MLIP: variants seen among roughly 807,000 people sequenced by gnomAD.
The protein encoded by MLIP is muscular LMNA interacting protein, also known as muscular LMNA-interacting protein.
Under a neutral mutation model 84.8 loss-of-function variants are expected in MLIP, and 79 were observed. The ratio of observed to expected loss-of-function variants is 0.93; its 90% CI spans 0.78 to 1.12. The LOEUF is 1.12. Ranked by LOEUF, MLIP falls within the 50% of genes most tolerant of loss-of-function variation. MLIP has a pLI of 0.00. For synonymous variants in MLIP, 504 were observed against 463.0 expected, an observed-to-expected ratio of 1.09 and a Z score of -1.14; for missense variants, 1,257 against 1,160.6, an observed-to-expected ratio of 1.08 and a Z score of -1.21.
chr6:54,156,099 T>C (rs1773997847), intron 5 of MLIP, among the ~76,000 whole-genome samples: 1 of 152,104 alleles, frequency 6.6e-6, no homozygotes, highest in Admixed American at 6.6e-5. Flanking sequence ...TCAGAATTCT[T>C]ACTAATGGAG....
chr6:54,148,628 G>A (rs1033624186), intron 4 of MLIP, among the ~76,000 whole-genome samples: 1 of 152,058 alleles, frequency 6.6e-6, no homozygotes. Context: ...ATGATCAAGA[G>A]CTCAATTACA....
rs1262219883 is a variant in MLIP at position 54,202,050 on chromosome 6, C to T, written c.2590-55C>T. 15 of 1,240,516 alleles carry T rather than the reference C, an allele frequency of 1.2e-5. No homozygotes were observed. In the Admixed American group the frequency reaches 3.3e-4, roughly 27 times the overall value. The allele number at this position is 1,240,516 out of a possible 1,614,324, so 76.8% of individuals were successfully genotyped here. ...TGACTTAACAATAAACATATTTGTTCATTTTAATAGTGTTTTTTTCCTGTT... is the reference window on the plus strand; with the variant it reads ...TGACTTAACAATAAACATATTTGTTTATTTTAATAGTGTTTTTTTCCTGTT... On this transcript the variant is annotated intron_variant, in intron 10 of 13. Coordinates refer to ENST00000502396, the MANE Select transcript of MLIP (RefSeq NM_001281747.2).
intron 1 of MLIP, among the ~76,000 whole-genome samples, chr6:54,053,481 C>T (rs918602574): frequency 2.0e-5 from 3 of 152,138 alleles, no homozygotes; most frequent in Admixed American, 2.0e-4. Context: ...GTCTTACTTA[C>T]ATAGGCAGGG....
chr6:54,105,939 T>C (rs887778909), intron 1 of MLIP, among the ~76,000 whole-genome samples: 2 of 152,140 alleles, frequency 1.3e-5, no homozygotes, highest in South Asian at 4.1e-4. Flanking sequence ...AGGAATCTAG[T>C]GGAGAGTTTT....
chr6:54,265,769 A>G (rs1783650662), intron 13 of MLIP, among the ~76,000 whole-genome samples, 181 bp from the exon 14 acceptor site: 1 of 152,118 alleles, frequency 6.6e-6, no homozygotes, highest in African/African-American at 2.4e-5. Context: ...TGTCTTTATT[A>G]TGCCATTAAT....
chr6:54,156,072 C>A (rs377543551), intron 5 of MLIP, among the ~76,000 whole-genome samples: 2 of 151,912 alleles, frequency 1.3e-5, no homozygotes, highest in South Asian at 2.1e-4. Context: ...GCTAGCTTGC[C>A]AAAAAGCAAT....
intron 9 of MLIP, among the ~76,000 whole-genome samples, chr6:54,184,766 G>A (rs553690177): frequency 2.0e-5 from 3 of 151,598 alleles, no homozygotes; most frequent in Non-Finnish European, 2.9e-5. Flanking sequence ...TTTTTTTGAA[G>A]GATGCAGTAA....
intron 1 of MLIP, among the ~76,000 whole-genome samples, chr6:54,102,852 A>G (rs1468965163): frequency 2.0e-5 from 3 of 152,158 alleles, no homozygotes; most frequent in South Asian, 2.1e-4. Flanking sequence ...AATTCACTGT[A>G]TAGTCATATA....
chr6:54,153,521 A>C lies in MLIP; in HGVS notation c.2289+4394A>C, dbSNP rs1222503831. Among the ~76,000 whole-genome samples, 6 of 152,098 alleles carry C rather than the reference A, an allele frequency of 3.9e-5. No homozygotes were observed. In the East Asian group the frequency reaches 1.2e-3, roughly 29 times the overall value. ...AGTTGCTAAACTCCAATCTTATTAA[A>C]GATATTTCCTTAGGTGAGAATATTT... On this transcript the variant is annotated intron_variant, in intron 5 of 13. Coordinates refer to ENST00000502396, the MANE Select transcript of MLIP (RefSeq NM_001281747.2).
intron 1 of MLIP, among the ~76,000 whole-genome samples, chr6:54,041,752 C>T (rs1239336902): frequency 6.6e-6 from 1 of 152,040 alleles, no homozygotes; most frequent in Non-Finnish European, 1.5e-5. Flanking sequence ...GGATTTTTGT[C>T]ATTGGCAAAG....
intron 11 of MLIP, among the ~76,000 whole-genome samples, chr6:54,225,649 A>C (rs1780527025): frequency 2.6e-5 from 4 of 152,328 alleles, no homozygotes; most frequent in African/African-American, 9.6e-5. Context: ...TTTAGTAGGA[A>C]ACAGAACTCA....
intron 1 of MLIP, among the ~76,000 whole-genome samples, chr6:54,066,552 A>AATT (rs1766234907): frequency 1.0e-5 from 1 of 97,416 alleles, no homozygotes; most frequent in Non-Finnish European, 2.9e-5. Flanking sequence ...GGGCAAGTGA[A>AATT]CTTCTGGTAT....
At chr6:54,198,014 G>A (rs1778417755) in intron 10 of MLIP, among the ~76,000 whole-genome samples, 1 of 152,092 alleles carries the variant, frequency 6.6e-6, no homozygotes, top group African/African-American at 2.4e-5. Flanking sequence ...CTGTTTTAAA[G>A]CCTCTCCTTC....
chr6:54,199,216 A>G (rs1044109292), intron 10 of MLIP, among the ~76,000 whole-genome samples: 2 of 152,152 alleles, frequency 1.3e-5, no homozygotes, highest in South Asian at 4.1e-4. Context: ...TCAAACTTCT[A>G]TCTATTCTAT....
chr6:54,252,758 G>C (rs546831168), intron 12 of MLIP, among the ~76,000 whole-genome samples: 24 of 151,634 alleles, frequency 1.6e-4, no homozygotes, highest in Non-Finnish European at 3.2e-4. Context: ...CAGTTCAAGA[G>C]AAACCAGAAA....
At chr6:54,215,990 G>A (rs73741473) in intron 11 of MLIP, 4,903 of 238,238 alleles carry the variant, frequency 0.021, 231 homozygotes, top group African/African-American at 0.11. Context: ...CATGTTATTG[G>A]AAATGGCAGG....
chr6:54,148,933 C>T, intron 4 of MLIP, 123 bp from the exon 5 acceptor site: 1 of 691,746 alleles, frequency 1.4e-6, no homozygotes, highest in Non-Finnish European at 2.4e-6. Context: ...ACAAGTTGTT[C>T]AGCATAATAA....
chr6:54,159,589 C>T (rs925773994), intron 5 of MLIP, among the ~76,000 whole-genome samples: 6 of 152,002 alleles, frequency 3.9e-5, no homozygotes, highest in Non-Finnish European at 7.4e-5. Context: ...CGGGTAGTCC[C>T]TTATCTGGTC....
At chr6:54,021,443 T>C (rs1763494767) in intron 1 of MLIP, among the ~76,000 whole-genome samples, 2 of 152,160 alleles carry the variant, frequency 1.3e-5, no homozygotes, top group Admixed American at 1.3e-4. Context: ...TTGGGTTTAT[T>C]TGAAAAAATT....
Sources: gnomAD v4.1 joint callset for allele counts (sites outside exome capture counted in the v4.1 genomes callset) on GRCh38, gnomAD v4.1.1 for gene constraint, MANE v1.5 for transcripts, NCBI Gene and HGNC (gene_info 2026-07-23, HGNC 2026-07-21) for gene names.